The following SYNJ2 variants were observed in gnomAD, a reference collection of about 807,000 sequenced individuals.
SYNJ2 encodes polyphosphatidylinositol phosphatase SYNJ2.
In SYNJ2, 116 loss-of-function variants were observed where a neutral mutation model predicts 141.3. The observed-to-expected ratio is 0.82, with a 90% CI of 0.71 to 0.96. The LOEUF is 0.96. Among genes scored for constraint, SYNJ2 ranks in the 40% least tolerant of loss-of-function variants. SYNJ2 has a pLI of 0.00. For synonymous variants in SYNJ2, 745 were observed against 777.7 expected, an observed-to-expected ratio of 0.96 and a Z score of 0.70; for missense variants, 1,873 against 1,934.8, an observed-to-expected ratio of 0.97 and a Z score of 0.60.
chr6:157,997,102 C>T (rs1777664282), intron 1 of SYNJ2, among the ~76,000 whole-genome samples: 2 of 151,100 alleles, frequency 1.3e-5, no homozygotes, highest in Non-Finnish European at 2.9e-5. Flanking sequence ...GCAGCCCCCA[C>T]ACACCAACTG....
In SYNJ2 at chr6:158,028,844, C is replaced by T. The variant is rs1779202648; in HGVS notation, c.303C>T (p.Ala101=). 1 of 1,614,178 alleles carries T rather than the reference C, an allele frequency of 6.2e-7. No homozygotes were observed. Among genetic ancestry groups the T allele is most frequent in the Non-Finnish European group, 8.5e-7 (1 of 1,180,028 alleles). Residue 101 remains alanine (A), a synonymous_variant, in exon 3 of 27, where the codon GCC becomes GCT. Transcript: ENST00000355585. ...ATGCTGAAATCTACAAAATCACTGC[C>T]ACTGACTTTTACCCTCTTCAGGAAG... is the stretch of plus-strand genomic sequence containing the variant. The part of the protein sequence containing the change: ...IPDAEIYKIT[A]TDFYPLQEEA...
At chr6:158,032,936 C>G (rs1311286577) in intron 3 of SYNJ2, among the ~76,000 whole-genome samples, 1 of 152,188 alleles carries the variant, frequency 6.6e-6, no homozygotes, top group African/African-American at 2.4e-5. Context: ...TTGTAGCGCT[C>G]TCGTCATAAT....
intron 5 of SYNJ2, among the ~76,000 whole-genome samples, chr6:158,054,016 GCCCATCTATTCA>G (rs1483956306): frequency 6.9e-6 from 1 of 145,460 alleles, no homozygotes; most frequent in Non-Finnish European, 1.5e-5. Flanking sequence ...CCATTCAGTC[GCCCATCTATTCA>G]CCCATCCATC....
In SYNJ2 at chr6:158,029,318, G is replaced by A. The variant is rs1583352017; in HGVS notation, c.485+292G>A. On this transcript the variant is annotated intron_variant, in intron 3 of 26. Transcript: ENST00000355585. The stretch of plus-strand genomic sequence containing the variant: ...AATCCCAGCACTTTGGGAGGCTGAG[G>A]CAGGTGGATCACTTGAGTTAAGGAG... 1.6e-5 allele frequency: 4 copies of A among 251,538 alleles called. No homozygotes were observed. In the East Asian group the frequency reaches 3.0e-4, roughly 19 times the overall value. The allele number at this position is 251,538 out of a possible 1,614,324, so 15.6% of individuals were successfully genotyped here. A position where few individuals can be genotyped will look rare whatever the true frequency, so the allele number is the denominator to read the frequency against.
intron 4 of SYNJ2, among the ~76,000 whole-genome samples, chr6:158,037,889 G>A (rs982461101): frequency 3.3e-5 from 5 of 152,356 alleles, no homozygotes; most frequent in African/African-American, 9.6e-5. Context: ...GAGAACTCTC[G>A]CTGCAATCTT....
At chr6:158,023,068 A>G (rs938828254) in intron 2 of SYNJ2, among the ~76,000 whole-genome samples, 1 of 152,108 alleles carries the variant, frequency 6.6e-6, no homozygotes, top group Non-Finnish European at 1.5e-5. Flanking sequence ...TGGGCTATGT[A>G]GCAAGACTAT....
intron 2 of SYNJ2, among the ~76,000 whole-genome samples, chr6:158,020,665 CGTGACTTCAGCTGT>C (rs1442858460): frequency 1.2e-4 from 19 of 152,126 alleles, no homozygotes; most frequent in Non-Finnish European, 1.9e-4. Context: ...ACTCCAGCTG[CGTGACTTCAGCTGT>C]GTGACTCCAT....
intron 18 of SYNJ2, 123 bp from the exon 19 acceptor site, chr6:158,080,986 C>G: frequency 1.2e-6 from 1 of 867,590 alleles, no homozygotes; most frequent in Non-Finnish European, 1.9e-6. Context: ...CCCTGGGGGA[C>G]AGCAGCTGGG....
At chr6:158,079,787 A>G (rs1209696633) in intron 18 of SYNJ2, among the ~76,000 whole-genome samples, 1 of 152,128 alleles carries the variant, frequency 6.6e-6, no homozygotes, top group Non-Finnish European at 1.5e-5. Flanking sequence ...TTGAAACCTT[A>G]ATTTAACCAA....
chr6:158,063,071 A>G (rs1306132454), intron 8 of SYNJ2, among the ~76,000 whole-genome samples: 2 of 152,232 alleles, frequency 1.3e-5, no homozygotes, highest in Non-Finnish European at 2.9e-5. Context: ...TTATATGGAA[A>G]CATACATAAA....
chr6:158,061,417 G>C (rs1781210194), intron 7 of SYNJ2, among the ~76,000 whole-genome samples: 2 of 152,130 alleles, frequency 1.3e-5, no homozygotes, highest in South Asian at 4.1e-4. Flanking sequence ...CCCTTGACCT[G>C]CTTCCCATCT....
intron 1 of SYNJ2, among the ~76,000 whole-genome samples, chr6:157,994,008 G>A (rs113421481): frequency 0.01 from 1,519 of 151,296 alleles, 22 homozygotes; most frequent in Middle Eastern, 0.017. Context: ...GTAGAGACGG[G>A]GTTTCACCAT....
In SYNJ2 at chr6:158,083,997, C is replaced by T. The variant is rs1249456229; in HGVS notation, c.3035-4C>T. The T allele has an allele frequency of 6.2e-7, 1 of 1,614,020 alleles. No individual in the cohort carries two copies. The highest frequency in any genetic ancestry group is 1.7e-5 in the Admixed American group (1 of 60,010). On this transcript the variant is annotated splice_region_variant and splice_polypyrimidine_tract_variant and intron_variant, in intron 21 of 26. Transcript: ENST00000355585. ...CCGAATTGTGATTCATTTCCTTCTC[C>T]CAGGGGATATTCTTGAAGACGATGA...
intron 26 of SYNJ2, among the ~76,000 whole-genome samples, chr6:158,093,664 A>G (rs1186821194): frequency 6.6e-6 from 1 of 152,166 alleles, no homozygotes; most frequent in Admixed American, 6.5e-5. Flanking sequence ...GCTTGGAGGT[A>G]TTATGCTTCC....
intron 1 of SYNJ2, among the ~76,000 whole-genome samples, chr6:158,000,830 G>T (rs1777821737): frequency 6.6e-6 from 1 of 152,136 alleles, no homozygotes; most frequent in Non-Finnish European, 1.5e-5. Flanking sequence ...AGTGATGGTG[G>T]AGGCGGGGTA....
chr6:158,091,284 C>G (rs959026492), intron 25 of SYNJ2, among the ~76,000 whole-genome samples: 13 of 151,808 alleles, frequency 8.6e-5, no homozygotes, highest in African/African-American at 2.9e-4. Context: ...CCACTGCACT[C>G]CAGCCTGGGT....
rs569124685 is a variant in SYNJ2, at chr6:158,056,159, G to A, written c.857+1131G>A. Among the ~76,000 whole-genome samples the A allele has an allele frequency of 1.8e-4, 27 of 152,270 alleles. No individual in the cohort carries two copies. In the South Asian group the frequency reaches 3.9e-3, roughly 22 times the overall value. The stretch of plus-strand genomic sequence containing the variant: ...AAGAGGGAAGGGTCATGCTGGGTTC[G>A]CTTCAGGAACCCTCCTATGTTTAGG... On this transcript the variant is annotated intron_variant, in intron 6 of 26. Transcript: ENST00000355585.
intron 25 of SYNJ2, among the ~76,000 whole-genome samples, chr6:158,090,182 C>A (rs1047650699): frequency 6.6e-6 from 1 of 152,086 alleles, no homozygotes; most frequent in African/African-American, 2.4e-5. Context: ...TATTAAGCGG[C>A]GTCTAAAGGA....
Position 158,017,862 on chromosome 6 carries a change from C to T in SYNJ2, c.214+572C>T, listed in dbSNP as rs1259625532. 7 of 484,150 alleles carry T rather than the reference C, an allele frequency of 1.4e-5. No homozygotes were observed. In the East Asian group the frequency reaches 3.6e-4, roughly 25 times the overall value. 30.0% of individuals were successfully genotyped at this position (484,150 alleles called of 1,614,324 possible). ...GGGTGGGGTTCCCGGCACCCCCACC[C>T]TGTGCCAGAGAAGCTCGTCTTCATT... is the stretch of plus-strand genomic sequence containing the variant. On this transcript the variant is annotated intron_variant, in intron 2 of 26. Transcript: ENST00000355585.
Sources: gnomAD v4.1 joint callset for allele counts (sites outside exome capture counted in the v4.1 genomes callset) on GRCh38, gnomAD v4.1.1 for gene constraint, MANE v1.5 for transcripts, NCBI Gene and HGNC (gene_info 2026-07-23, HGNC 2026-07-21) for gene names.